Variants in ACSL1 observed in about 807,000 individuals in gnomAD.
ACSL1 encodes the protein acyl-CoA synthetase long chain family member 1.
Under a neutral mutation model 98.4 loss-of-function variants are expected in ACSL1, and 41 were observed. That is an observed-to-expected ratio of 0.42 (90% CI 0.32 to 0.54). The LOEUF (loss-of-function observed/expected upper bound fraction) is 0.54. Among genes scored for constraint, ACSL1 ranks in the 20% least tolerant of loss-of-function variants. The pLI is 0.13. For missense variants in ACSL1, 734 were observed against 883.1 expected, an observed-to-expected ratio of 0.83 and a Z score of 2.14; for synonymous variants, 316 against 322.7, an observed-to-expected ratio of 0.98 and a Z score of 0.22.
intron 3 of ACSL1, among the ~76,000 whole-genome samples, chr4:184,787,989 AAG>A (rs1767695849): frequency 6.6e-6 from 1 of 152,200 alleles, no homozygotes; most frequent in Non-Finnish European, 1.5e-5. Flanking sequence ...GCAACATAGC[AAG>A]ACCCCATTTC....
intron 3 of ACSL1, among the ~76,000 whole-genome samples, chr4:184,786,240 A>G (rs984697557): frequency 2.6e-5 from 4 of 152,156 alleles, no homozygotes; most frequent in African/African-American, 9.7e-5. Flanking sequence ...TTTATTTAGA[A>G]GTTTGGTGAT....
chr4:184,790,465 C>G (rs746399560), intron 2 of ACSL1, among the ~76,000 whole-genome samples: 7 of 152,132 alleles, frequency 4.6e-5, no homozygotes, highest in Non-Finnish European at 1.0e-4. Context: ...TAATAGTTTT[C>G]TGGAGTAAAT....
In ACSL1 at chr4:184,764,857, G is replaced by A. The variant is rs146216950; in HGVS notation, c.1428C>T (p.Thr476=). The A allele has an allele frequency of 1.0e-3, 1,651 of 1,613,252 alleles. 1 individual carries two copies. The highest frequency in any genetic ancestry group is 1.3e-3 in the Non-Finnish European group (1,519 of 1,179,624). Residue 476 remains threonine, a synonymous_variant, in exon 15 of 21, where the codon ACC becomes ACT. Transcript: ENST00000281455. ...AGGAGCCTCCTACAGCCATACCTGC[G>A]GTCCAGTCTCCAGGCATGGTCAGGC... ...GCCLTMPGDW[T]AGHVGAPMPC...
chr4:184,757,227 G>C lies in ACSL1; in HGVS notation c.1995C>G (p.Ile665Met). Residue 665 changes from isoleucine (I) to methionine (M), a missense_variant, in exon 21 of 21, where the codon ATC becomes ATG. Transcript: ENST00000281455. This position sits in a 1 kb window ranked among gnomAD's most constrained non-coding sequence, Gnocchi z 4.5. ...GITLHPELFS[I>M]DNGLLTPTMK... ...TTGTTGGAGTCAGAAGGCCATTGTC[G>C]ATAGAAAATAATTCAGGGTGCAATG... The C allele has an allele frequency of 1.9e-6, 3 of 1,607,482 alleles. No homozygotes were observed. The highest frequency in any genetic ancestry group is 2.6e-6 in the Non-Finnish European group (3 of 1,174,688).
At chr4:184,786,476 T>C (rs559557296) in intron 3 of ACSL1, among the ~76,000 whole-genome samples, 6 of 151,750 alleles carry the variant, frequency 4.0e-5, no homozygotes, top group Non-Finnish European at 5.9e-5. Context: ...ATGTGCCATA[T>C]GTTAGGCTGA....
chr4:184,770,161 G>C, intron 11 of ACSL1: 1 of 1,207,746 alleles, frequency 8.3e-7, no homozygotes, highest in Non-Finnish European at 1.1e-6. Flanking sequence ...CTCAGAAAAA[G>C]AATTTATATT....
chr4:184,818,912 T>A (rs573187621), intron 1 of ACSL1, among the ~76,000 whole-genome samples: 2 of 152,244 alleles, frequency 1.3e-5, no homozygotes, highest in African/African-American at 4.8e-5. Context: ...AGTTTCCATA[T>A]GAAGGGCGGG....
intron 1 of ACSL1, among the ~76,000 whole-genome samples, chr4:184,820,833 G>A (rs961474176): frequency 7.2e-5 from 11 of 152,082 alleles, no homozygotes; most frequent in East Asian, 5.8e-4. Flanking sequence ...CACCCGCCTC[G>A]GCCTCCCAAA....
In ACSL1 at chr4:184,773,162, G is replaced by A. The variant is rs1202955578; in HGVS notation, c.842-8C>T. The stretch of plus-strand genomic sequence containing the variant: ...TTGCTCCTTTGGGGTTGCCTGTGGA[G>A]CACATATGAAGCAGAACAAAGTTAA... On this transcript the variant is annotated splice_polypyrimidine_tract_variant and splice_region_variant and intron_variant, in intron 9 of 20. Coordinates refer to ENST00000281455, the MANE Select transcript of ACSL1 (RefSeq NM_001995.5). The surrounding 1 kb of genome is among the most constrained non-coding windows in gnomAD (Gnocchi z 4.3). The A allele has an allele frequency of 6.2e-7, 1 of 1,611,990 alleles. No homozygotes were observed. The highest frequency in any genetic ancestry group is 1.7e-5 in the Admixed American group (1 of 60,004).
chr4:184,811,535 C>A (rs1214161539), intron 1 of ACSL1, among the ~76,000 whole-genome samples: 1 of 152,084 alleles, frequency 6.6e-6, no homozygotes, highest in Non-Finnish European at 1.5e-5. Context: ...TGGATACATG[C>A]CATGACATGG....
chr4:184,815,049 C>A (rs1772497335), intron 1 of ACSL1: 1 of 456,154 alleles, frequency 2.2e-6, no homozygotes, highest in African/African-American at 2.0e-5. Context: ...GACAAACACA[C>A]CTGCAAGAGT....
At chr4:184,781,086 T>TA (rs1451191709) in intron 4 of ACSL1, among the ~76,000 whole-genome samples, 11 of 151,792 alleles carry the variant, frequency 7.2e-5, no homozygotes, top group African/African-American at 2.7e-4. Context: ...AATAAAAAAT[T>TA]AGCCAGGCAT....
At chr4:184,780,122 T>C (rs1400310824) in intron 5 of ACSL1, among the ~76,000 whole-genome samples, 1 of 152,226 alleles carries the variant, frequency 6.6e-6, no homozygotes, top group Non-Finnish European at 1.5e-5. Flanking sequence ...CCCACCCGCC[T>C]TGGCCTCACA....
intron 1 of ACSL1, among the ~76,000 whole-genome samples, chr4:184,820,493 A>G (rs913328595): frequency 2.6e-5 from 4 of 152,254 alleles, no homozygotes; most frequent in African/African-American, 9.6e-5. Context: ...GTATAAAGAG[A>G]TAATTCAAGG....
chr4:184,785,819 G>A (rs1767192460), intron 3 of ACSL1, among the ~76,000 whole-genome samples: 1 of 152,164 alleles, frequency 6.6e-6, no homozygotes, highest in South Asian at 2.1e-4. Flanking sequence ...AAGTCACCAT[G>A]CTCCTCGATG....
chr4:184,778,782 G>C (rs1263157470), intron 5 of ACSL1, among the ~76,000 whole-genome samples: 1 of 152,120 alleles, frequency 6.6e-6, no homozygotes, highest in Non-Finnish European at 1.5e-5. Flanking sequence ...TTGTTTTGCA[G>C]TTCTAGATTC....
chr4:184,789,059 T>C (rs1767900959), intron 2 of ACSL1, among the ~76,000 whole-genome samples: 1 of 152,234 alleles, frequency 6.6e-6, no homozygotes, highest in African/African-American at 2.4e-5. Flanking sequence ...AAGTCTAATA[T>C]GCCCCTGTGG....
chr4:184,781,980 T>C (rs1766351610), intron 4 of ACSL1, among the ~76,000 whole-genome samples: 1 of 152,138 alleles, frequency 6.6e-6, no homozygotes, highest in South Asian at 2.1e-4. Context: ...CCCATACCCA[T>C]AGGAAATAAG....
chr4:184,762,470 T>C lies in ACSL1; in HGVS notation c.1575A>G (p.Lys525=), dbSNP rs1284159028. Residue 525 remains lysine, a synonymous_variant, in exon 17 of 21, where the codon AAA becomes AAG. Transcript: ENST00000281455. ...VFQGYLKDPA[K]TAEALDKDGW... ...CGTCTTTGTCCAAAGCTTCTGCTGT[T>C]TTCGCTGGGTCCTTCAAGTAGCCCT... The C allele has an allele frequency of 6.2e-7, 1 of 1,614,118 alleles. No homozygotes were observed. Among genetic ancestry groups the C allele is most frequent in the East Asian group, 2.2e-5 (1 of 44,892 alleles).
Sources: gnomAD v4.1 joint callset for allele counts (sites outside exome capture counted in the v4.1 genomes callset) on GRCh38, gnomAD v4.1.1 for gene constraint, Gnocchi (gnomAD v3.1) non-coding constraint, MANE v1.5 for transcripts, NCBI Gene and HGNC (gene_info 2026-07-23, HGNC 2026-07-21) for gene names.